Variants in SLC12A1 observed in about 807,000 individuals in gnomAD.
SLC12A1 encodes the protein solute carrier family 12 member 1.
Under a neutral mutation model 130.4 loss-of-function variants are expected in SLC12A1, and 89 were observed. The ratio of observed to expected loss-of-function variants is 0.68; its 90% CI spans 0.58 to 0.81. SLC12A1 has a LOEUF of 0.81. Ranked by LOEUF, SLC12A1 falls within the 40% of genes least tolerant of loss-of-function variation. The probability of loss-of-function intolerance (pLI) is 0.00; values close to 1 mark genes in which losing one functional copy is unlikely to be tolerated. For synonymous variants in SLC12A1, 499 were observed against 460.0 expected (o/e 1.08, Z -1.09); for missense variants, 1,310 against 1,336.4 (o/e 0.98, Z 0.31).
chr15:48,240,630 G>A (rs1000225896), intron 9 of SLC12A1, among the ~76,000 whole-genome samples: 4 of 152,138 alleles, frequency 2.6e-5, no homozygotes, highest in Admixed American at 2.6e-4. Context: ...TTGTATTGAT[G>A]AGTCTAATGT....
At chr15:48,255,940 T>TTTTTCCACCCTGGTG in intron 16 of SLC12A1, 30 bp downstream of exon 16, 1 of 1,378,064 alleles carries the variant, frequency 7.3e-7, no homozygotes, top group Non-Finnish European at 1.0e-6. Flanking sequence ...CATCCTGGTG[T>TTTTTCCACCCTGGTG]TTTTCCACCC....
chr15:48,231,789 G>A (rs529201131), intron 7 of SLC12A1, among the ~76,000 whole-genome samples: 6 of 152,192 alleles, frequency 3.9e-5, no homozygotes, highest in South Asian at 2.1e-4. Context: ...AGGCTGAGGC[G>A]GGCAGATCAC....
intron 25 of SLC12A1, among the ~76,000 whole-genome samples, chr15:48,300,565 A>C (rs2042223046): frequency 6.6e-6 from 1 of 152,204 alleles, no homozygotes; most frequent in African/African-American, 2.4e-5. Context: ...AATTCGAGCA[A>C]GAAACGCTAA....
intron 23 of SLC12A1, 99 bp downstream of exon 23, chr15:48,288,615 T>A: frequency 1.6e-6 from 1 of 640,876 alleles, no homozygotes; most frequent in Non-Finnish European, 2.8e-6. Flanking sequence ...CACAATAGAC[T>A]CAAAGACAAA....
chr15:48,302,626 CAAAAAAA>C (rs35095948), intron 26 of SLC12A1, 117 bp from the exon 27 acceptor site: 58 of 142,138 alleles, frequency 4.1e-4, no homozygotes, highest in South Asian at 3.2e-3. Flanking sequence ...GACTCCGTCT[CAAAAAAA>C]AAAAAAAAAA....
chr15:48,251,869 A>G, intron 15 of SLC12A1, 99 bp downstream of exon 15: 1 of 999,798 alleles, frequency 1.0e-6, no homozygotes, highest in South Asian at 1.5e-5. Flanking sequence ...TAGGTGAGGC[A>G]TATGTAAGGT....
chr15:48,287,913 C>A, intron 21 of SLC12A1, 130 bp from the exon 22 acceptor site: 1 of 943,236 alleles, frequency 1.1e-6, no homozygotes, highest in Non-Finnish European at 1.5e-6. Context: ...AAGAATACCG[C>A]TATTTATTTT....
At position 48,259,363 on chromosome 15, in the gene SLC12A1, G is replaced by T. The variant is rs369241902; in HGVS notation, c.2154+52G>T. 2.0e-5 allele frequency: 25 copies of T among 1,219,666 alleles called. No homozygotes were observed. In the African/African-American group the frequency reaches 3.6e-4, roughly 17 times the overall value. The allele number at this position is 1,219,666 out of a possible 1,614,324, so 75.6% of individuals were successfully genotyped here. A position where few individuals can be genotyped will look rare whatever the true frequency, so the allele number is the denominator to read the frequency against. On this transcript the variant is annotated intron_variant, in intron 17 of 26. Coordinates refer to ENST00000380993, the MANE Select transcript of SLC12A1 (RefSeq NM_000338.3). The stretch of plus-strand genomic sequence containing the variant: ...TCCTTTTTCCTCCCTGCTTATCTTG[G>T]ATTATTTTGGGTGAGGAGAAAAGGT...
intron 24 of SLC12A1, among the ~76,000 whole-genome samples, chr15:48,295,415 C>T (rs2042167639): frequency 6.6e-6 from 1 of 152,158 alleles, no homozygotes; most frequent in African/African-American, 2.4e-5. Flanking sequence ...CCTGCATAGC[C>T]ATCCTTTCTG....
At chr15:48,268,283 T>C (rs2041855256) in intron 18 of SLC12A1, among the ~76,000 whole-genome samples, 1 of 152,204 alleles carries the variant, frequency 6.6e-6, no homozygotes, top group Non-Finnish European at 1.5e-5. Flanking sequence ...TCATCTCTGC[T>C]ATAGTAAGTA....
At chr15:48,241,796 C>T (rs34518386) in intron 10 of SLC12A1, among the ~76,000 whole-genome samples, 197 bp downstream of exon 10, 1,565 of 152,262 alleles carry the variant, frequency 0.01, 27 homozygotes, top group African/African-American at 0.036. Context: ...ACAGACATCT[C>T]TGGGTCAGGG....
intron 2 of SLC12A1, 95 bp downstream of exon 2, chr15:48,208,234 T>C: frequency 8.0e-7 from 1 of 1,246,740 alleles, no homozygotes; most frequent in Non-Finnish European, 1.1e-6. Flanking sequence ...TGTGAAACAG[T>C]CAAATGGAGA....
chr15:48,277,735 C>G (rs1192789182), intron 20 of SLC12A1, among the ~76,000 whole-genome samples: 1 of 152,152 alleles, frequency 6.6e-6, no homozygotes, highest in Non-Finnish European at 1.5e-5. Context: ...TCGATTCATA[C>G]TCTATTTGCT....
chr15:48,300,263 A>G (rs1597464312), intron 25 of SLC12A1, among the ~76,000 whole-genome samples: 1 of 151,960 alleles, frequency 6.6e-6, no homozygotes, highest in African/African-American at 2.4e-5. Context: ...CCCAGGGGGC[A>G]GAGGTGAGCT....
rs1358475195 is a variant in SLC12A1, at chr15:48,226,556, G to A, written c.709G>A (p.Gly237Arg). 6.8e-6 allele frequency: 11 copies of A among 1,606,738 alleles called. No homozygotes were observed. The highest frequency in any genetic ancestry group is 2.2e-5 in the South Asian group (2 of 89,792). The change falls in exon 5 of 27, where the codon GGG becomes AGG. Residue 237 changes from glycine to arginine, a missense_variant. Coordinates refer to ENST00000380993, the MANE Select transcript of SLC12A1 (RefSeq NM_000338.3). ...GLSTSAIATN[G>R]FVRGGGAYYL... ...GTCAACTTCTGCGATAGCAACTAAC[G>A]GGTTTGTTCGTGGAGGTAAAATCTC...
At chr15:48,252,292 T>A (rs1007484395) in intron 15 of SLC12A1, among the ~76,000 whole-genome samples, 5 of 152,220 alleles carry the variant, frequency 3.3e-5, no homozygotes, top group African/African-American at 7.2e-5. Context: ...ATCACAATAC[T>A]ATTAGTCCCA....
intron 24 of SLC12A1, among the ~76,000 whole-genome samples, chr15:48,295,915 T>A (rs960654350): frequency 6.6e-6 from 1 of 152,160 alleles, no homozygotes; most frequent in African/African-American, 2.4e-5. Context: ...GAAGACAGTA[T>A]GGTCATTCAA....
rs377437586 is a variant in SLC12A1, at chr15:48,210,662, C to T, written c.420+2523C>T. Reference sequence around the variant, plus strand: ...CTGAGGTCAAAAATTCAAGACCAGCCATGACCAACTGGTGAAATCTCTTCT... The same window carrying T: ...CTGAGGTCAAAAATTCAAGACCAGCTATGACCAACTGGTGAAATCTCTTCT... On this transcript the variant is annotated intron_variant, in intron 2 of 26. Transcript: ENST00000380993. Among the ~76,000 whole-genome samples, 34 of 149,150 alleles carry T rather than the reference C, an allele frequency of 2.3e-4. 1 individual carries two copies. In the South Asian group the frequency reaches 6.7e-3, roughly 29 times the overall value.
intron 20 of SLC12A1, among the ~76,000 whole-genome samples, chr15:48,281,833 G>A (rs370070194): frequency 1.3e-5 from 2 of 152,130 alleles, no homozygotes; most frequent in East Asian, 1.9e-4. Context: ...ATATCCATTC[G>A]TTCATACTCT....
Sources: allele counts gnomAD v4.1 joint callset (sites outside exome capture counted in the v4.1 genomes callset), GRCh38; gene constraint gnomAD v4.1.1; transcripts MANE v1.5; gene names NCBI Gene and HGNC (gene_info 2026-07-23, HGNC 2026-07-21).